UCMA: variants seen among roughly 807,000 people sequenced by gnomAD.
UCMA encodes the protein upper zone of growth plate and cartilage matrix associated.
In UCMA, 21 loss-of-function variants were observed where a neutral mutation model predicts 21.8. The ratio of observed to expected loss-of-function variants is 0.97; its 90% CI spans 0.68 to 1.39. The LOEUF is 1.39. Among genes scored for constraint, UCMA ranks in the 40% most tolerant of loss-of-function variants. The pLI is 0.00. For synonymous variants in UCMA, 76 were observed against 67.9 expected (o/e 1.12, Z -0.58); for missense variants, 193 against 178.9 (o/e 1.08, Z -0.45).
At chr10:13,231,050 A>G (rs1433800622) in intron 3 of UCMA, among the ~76,000 whole-genome samples, 2 of 134,968 alleles carry the variant, frequency 1.5e-5, no homozygotes, top group East Asian at 5.1e-4. Context: ...CTGTCTTAAA[A>G]TAAATAAATA....
chr10:13,223,345 G>T (rs574339065), intron 4 of UCMA, among the ~76,000 whole-genome samples: 1 of 152,100 alleles, frequency 6.6e-6, no homozygotes, highest in Non-Finnish European at 1.5e-5. Context: ...CAGCAGCCAA[G>T]AGGTGGAAAC....
In UCMA at chr10:13,233,508, C is replaced by T. The variant is rs569729205; in HGVS notation, c.220+30G>A. The T allele has an allele frequency of 1.6e-4, 248 of 1,583,470 alleles. 3 individuals are homozygous for T. The South Asian group carries it at 2.4e-3, about 15-fold the overall frequency. On this transcript the variant is annotated intron_variant, in intron 3 of 4. Coordinates refer to ENST00000378681, the MANE Select transcript of UCMA (RefSeq NM_145314.3). ...GGGTGTGAGCAGAGGTGGTGATGGA[C>T]GCGGGATGGGGTCCCTCCAGCATCC...
intron 4 of UCMA, among the ~76,000 whole-genome samples, chr10:13,224,944 G>A (rs1318593133): frequency 6.6e-6 from 1 of 152,228 alleles, no homozygotes; most frequent in Non-Finnish European, 1.5e-5. Context: ...CCAGGCCGGA[G>A]CTTTGTGTGT....
chr10:13,234,242 G>T lies in UCMA; in HGVS notation c.17C>A (p.Ala6Asp), dbSNP rs1355989856. The part of the protein sequence containing the change: MTWRQ[A>D]VLLSCFSAVV... ...GGCGGAGAAGCAAGACAGCAGGACG[G>T]CCTGTCTCCAAGTCATCTTTGCAGA... is the stretch of plus-strand genomic sequence containing the variant. Residue 6 changes from alanine to aspartate, a missense_variant, in exon 1 of 5, where the codon GCC (alanine) becomes GAC (aspartate). Coordinates refer to ENST00000378681, the MANE Select transcript of UCMA (RefSeq NM_145314.3). 1.2e-6 allele frequency: 2 copies of T among 1,613,052 alleles called. No individual in the cohort carries two copies. The highest frequency in any genetic ancestry group is 3.3e-5 in the Admixed American group (2 of 59,910).
chr10:13,233,676 T>G, intron 2 of UCMA, 43 bp from the exon 3 acceptor site: 2 of 1,613,660 alleles, frequency 1.2e-6, no homozygotes, highest in Non-Finnish European at 1.7e-6. Flanking sequence ...GTGGGGGTGC[T>G]GGGGCTGCTG....
chr10:13,232,942 T>TAA (rs5783320), intron 3 of UCMA, among the ~76,000 whole-genome samples: 34 of 146,150 alleles, frequency 2.3e-4, no homozygotes, highest in Non-Finnish European at 2.9e-4. Flanking sequence ...AATGAAAACT[T>TAA]AAAAAAAAAA....
intron 4 of UCMA, among the ~76,000 whole-genome samples, chr10:13,228,925 TTTTTA>T (rs143892335): frequency 0.39 from 58,979 of 150,598 alleles, 11,748 homozygotes; most frequent in Admixed American, 0.44. Flanking sequence ...TTCTCCCTTC[TTTTTA>T]TTTTATTTTA....
At chr10:13,230,173 T>C (rs1834879734) in intron 3 of UCMA, among the ~76,000 whole-genome samples, 1 of 152,180 alleles carries the variant, frequency 6.6e-6, no homozygotes, top group African/African-American at 2.4e-5. Flanking sequence ...CCAGATACGG[T>C]GGCTCACGCC....
At chr10:13,232,264 T>C (rs1245573119) in intron 3 of UCMA, among the ~76,000 whole-genome samples, 1 of 149,876 alleles carries the variant, frequency 6.7e-6, no homozygotes, top group Non-Finnish European at 1.5e-5. Context: ...TCCAGCTACT[T>C]GGGAGGCTGA....
intron 4 of UCMA, among the ~76,000 whole-genome samples, chr10:13,224,612 C>G (rs1834800546): frequency 6.6e-6 from 1 of 152,188 alleles, no homozygotes; most frequent in Non-Finnish European, 1.5e-5. Context: ...ACCAAGAAGC[C>G]CATGAACCTG....
chr10:13,223,958 C>A (rs1475319771), intron 4 of UCMA, among the ~76,000 whole-genome samples: 4 of 151,884 alleles, frequency 2.6e-5, no homozygotes, highest in Non-Finnish European at 5.9e-5. Context: ...CTGTATGAGG[C>A]TATGCAAGGG....
In UCMA at chr10:13,229,692, G is replaced by A; in HGVS notation, c.238C>T (p.Leu80Phe). 1 of 1,614,010 alleles carries A rather than the reference G, an allele frequency of 6.2e-7. No homozygotes were observed. The highest frequency in any genetic ancestry group is 1.1e-5 in the South Asian group (1 of 91,052). ...TCTCTCCGCAGCTCATCAACCCGAA[G>A]CTTCTGCCTGTTTTCCACTGTGAAA... ...DEVNVENRQKLRVDELRREYY... is the reference protein window; with the variant it reads ...DEVNVENRQKFRVDELRREYY... Residue 80 changes from leucine to phenylalanine, a missense_variant, in exon 4 of 5, where the codon CTT becomes TTT. By Grantham distance (22) the Leu-to-Phe change is conservative. Transcript: ENST00000378681.
chr10:13,222,297 C>G, intron 4 of UCMA, 97 bp from the exon 5 acceptor site: 1 of 1,094,270 alleles, frequency 9.1e-7, no homozygotes, highest in South Asian at 1.4e-5. Flanking sequence ...CTGTGGTGAC[C>G]TGCACTGAGA....
At chr10:13,222,467 G>A (rs1251620146) in intron 4 of UCMA, among the ~76,000 whole-genome samples, 1 of 152,186 alleles carries the variant, frequency 6.6e-6, no homozygotes, top group Non-Finnish European at 1.5e-5. Flanking sequence ...CCCAGCCAGT[G>A]TAGGAGGGCA....
intron 3 of UCMA, among the ~76,000 whole-genome samples, chr10:13,230,995 T>G (rs1021105410): frequency 6.6e-6 from 1 of 152,000 alleles, no homozygotes; most frequent in Admixed American, 6.6e-5. Context: ...AGGTGGAGGT[T>G]GAGATCACGC....
chr10:13,228,036 T>G (rs1156742584), intron 4 of UCMA, among the ~76,000 whole-genome samples: 1 of 151,358 alleles, frequency 6.6e-6, no homozygotes, highest in Non-Finnish European at 1.5e-5. Context: ...CCAGAGACAC[T>G]GGACTCTCTG....
rs754992807 is a variant in UCMA, at chr10:13,229,602, A to G, written c.319+9T>C. The G allele has an allele frequency of 6.2e-7, 1 of 1,612,580 alleles. No individual in the cohort carries two copies. The highest frequency in any genetic ancestry group is 8.5e-7 in the Non-Finnish European group (1 of 1,178,946). On this transcript the variant is annotated intron_variant, in intron 4 of 4. Transcript: ENST00000378681. ...ACCTCCCTGAAGACACTGGCTGAAG[A>G]GCTCTTACCATCGTTTTGTTCCTCC...
intron 1 of UCMA, 66 bp downstream of exon 1, chr10:13,234,135 C>G: frequency 1.3e-6 from 2 of 1,486,982 alleles, no homozygotes; most frequent in Non-Finnish European, 1.8e-6. Context: ...AGCAGCCTTA[C>G]CTGTGCATGG....
intron 4 of UCMA, among the ~76,000 whole-genome samples, chr10:13,223,329 C>T (rs559134118): frequency 2.0e-5 from 3 of 151,834 alleles, no homozygotes; most frequent in Non-Finnish European, 4.4e-5. Context: ...CGTAGCGCAA[C>T]AGTTACAGCA....
Sources: allele counts gnomAD v4.1 joint callset (sites outside exome capture counted in the v4.1 genomes callset), GRCh38; gene constraint gnomAD v4.1.1; transcripts MANE v1.5; gene names NCBI Gene and HGNC (gene_info 2026-07-23, HGNC 2026-07-21).